The following TXNRD2 variants were observed in gnomAD, a reference collection of about 807,000 sequenced individuals.
TXNRD2 encodes the protein thioredoxin reductase 2, also known as thioredoxin reductase 2, mitochondrial.
A neutral mutation model predicts 70.8 loss-of-function variants in TXNRD2; 67 were observed. The ratio of observed to expected loss-of-function variants is 0.95; its 90% CI spans 0.78 to 1.16. The LOEUF (loss-of-function observed/expected upper bound fraction) is 1.16, where lower values mean the gene tolerates loss of function less well. Among genes scored for constraint, TXNRD2 ranks in the 50% most tolerant of loss-of-function variants. The pLI is 0.00. For missense variants in TXNRD2, 644 were observed against 719.9 expected (o/e 0.89, Z 1.21); for synonymous variants, 301 against 295.8 (o/e 1.02, Z -0.18).
chr22:19,927,540 G>A (rs1315359703), intron 2 of TXNRD2, among the ~76,000 whole-genome samples: 1 of 151,214 alleles, frequency 6.6e-6, no homozygotes, highest in Non-Finnish European at 1.5e-5. Flanking sequence ...TGTGGTCCCA[G>A]CCACTCGGGA....
At chr22:19,888,413 G>A (rs112311632) in intron 11 of TXNRD2, among the ~76,000 whole-genome samples, 34 of 152,240 alleles carry the variant, frequency 2.2e-4, no homozygotes, top group Non-Finnish European at 4.1e-4. Flanking sequence ...ACAGGGACAC[G>A]GGGACGGCCA....
intron 11 of TXNRD2, chr22:19,893,994 G>A (rs1939380230): frequency 1.3e-5 from 2 of 152,230 alleles, no homozygotes; most frequent in Non-Finnish European, 2.9e-5. Flanking sequence ...ATCCACAACA[G>A]CCAAAAGACG....
chr22:19,915,622 G>T, intron 6 of TXNRD2, 143 bp downstream of exon 6: 1 of 773,308 alleles, frequency 1.3e-6, no homozygotes. Flanking sequence ...AAAGACAAGT[G>T]CCCAGCCTCA....
At chr22:19,906,370 CT>C (rs1468179592) in intron 8 of TXNRD2, among the ~76,000 whole-genome samples, 1 of 152,148 alleles carries the variant, frequency 6.6e-6, no homozygotes, top group Non-Finnish European at 1.5e-5. Context: ...TAGCTCACAC[CT>C]GTAATCCCAG....
intron 2 of TXNRD2, among the ~76,000 whole-genome samples, chr22:19,923,524 C>T (rs1372158536): frequency 1.3e-5 from 2 of 152,290 alleles, no homozygotes; most frequent in Admixed American, 6.5e-5. Context: ...TGGTAACTGA[C>T]GCCTGTAATC....
In TXNRD2 at chr22:19,939,178, G is replaced by A. The variant is rs78340139; in HGVS notation, c.103+2523C>T. 2.4e-3 allele frequency among the ~76,000 whole-genome samples: 348 copies of A among 145,174 alleles called. 4 individuals are homozygous for A. The highest frequency in any genetic ancestry group is 1.3e-3 in the Non-Finnish European group (83 of 66,196). ...AAAACCACGAGGAAGAGACGTTCGC[G>A]TCAGAGACTGCCCTCATACCTGATG... On this transcript the variant is annotated intron_variant, in intron 1 of 17. Transcript: ENST00000400521.
intron 8 of TXNRD2, 51 bp from the exon 9 acceptor site, chr22:19,899,119 C>A: frequency 1.9e-6 from 3 of 1,605,106 alleles, no homozygotes; most frequent in South Asian, 1.1e-5. Context: ...CCCTTATTGA[C>A]CAAGTGCAGT....
intron 11 of TXNRD2, among the ~76,000 whole-genome samples, chr22:19,886,830 G>C (rs560676895): frequency 1.3e-5 from 2 of 152,186 alleles, no homozygotes; most frequent in Admixed American, 1.3e-4. Context: ...GCCCCTCCTG[G>C]GGTAGGACAG....
chr22:19,922,889 A>G (rs1940970037), intron 2 of TXNRD2, among the ~76,000 whole-genome samples: 1 of 151,538 alleles, frequency 6.6e-6, no homozygotes, highest in Non-Finnish European at 1.5e-5. Flanking sequence ...GGGTTTCACC[A>G]TGTTGGTCAG....
chr22:19,889,138 G>C lies in TXNRD2; in HGVS notation c.950-5677C>G, dbSNP rs11089316. ...GTCTCATACCCAGGGCGGCTCCTTG[G>C]GGGGTGGGGGTGAGCTTCCCCTCAG... On this transcript the variant is annotated intron_variant, in intron 11 of 17. Transcript: ENST00000400521. Among the ~76,000 whole-genome samples, 9 of 152,246 alleles carry C rather than the reference G, an allele frequency of 5.9e-5. No individual in the cohort carries two copies. In the South Asian group the frequency reaches 1.0e-3, roughly 18 times the overall value.
chr22:19,932,186 A>C (rs1405620764), intron 1 of TXNRD2, among the ~76,000 whole-genome samples: 1 of 151,506 alleles, frequency 6.6e-6, no homozygotes, highest in Non-Finnish European at 1.5e-5. Flanking sequence ...AAAAAGAATA[A>C]AAGCACAAGC....
intron 11 of TXNRD2, among the ~76,000 whole-genome samples, chr22:19,889,398 G>A (rs563770861): frequency 2.6e-5 from 4 of 152,230 alleles, no homozygotes; most frequent in African/African-American, 7.2e-5. Flanking sequence ...GGATCATGAC[G>A]TCAGGAGTTC....
intron 2 of TXNRD2, among the ~76,000 whole-genome samples, chr22:19,920,873 T>G (rs531515698): frequency 2.0e-5 from 3 of 152,226 alleles, no homozygotes; most frequent in East Asian, 1.9e-4. Context: ...GAGGCCAAGG[T>G]GGGCAGATCA....
At chr22:19,933,641 G>T in intron 1 of TXNRD2, 1 of 503,850 alleles carries the variant, frequency 2.0e-6, no homozygotes, top group Non-Finnish European at 3.1e-6. Flanking sequence ...GCATAGGGCA[G>T]TCGTTTGCAA....
intron 8 of TXNRD2, among the ~76,000 whole-genome samples, chr22:19,903,898 A>G (rs1939890407): frequency 6.6e-6 from 1 of 152,172 alleles, no homozygotes; most frequent in African/African-American, 2.4e-5. Flanking sequence ...TGCAGTGGCC[A>G]TTGTTCCCAG....
At chr22:19,915,461 G>A (rs562909206) in intron 6 of TXNRD2, among the ~76,000 whole-genome samples, 185 bp from the exon 7 acceptor site, 1 of 152,248 alleles carries the variant, frequency 6.6e-6, no homozygotes, top group East Asian at 1.9e-4. Flanking sequence ...CTGGCAGGAG[G>A]GGGACAGGCA....
intron 11 of TXNRD2, among the ~76,000 whole-genome samples, chr22:19,893,694 GT>G (rs1939365704): frequency 6.6e-6 from 1 of 152,248 alleles, no homozygotes. Context: ...GAGCAAGAAG[GT>G]GAGACCAGAC....
intron 8 of TXNRD2, chr22:19,911,034 C>T: frequency 2.8e-6 from 1 of 359,386 alleles, no homozygotes; most frequent in Non-Finnish European, 5.4e-6. Context: ...AAGATTGGGC[C>T]ATTGCAATTC....
intron 8 of TXNRD2, among the ~76,000 whole-genome samples, chr22:19,903,229 T>C (rs1459553881): frequency 6.6e-6 from 1 of 152,200 alleles, no homozygotes; most frequent in East Asian, 1.9e-4. Context: ...GGGCAGGGGC[T>C]ACAGAGCTGG....
Sources: allele counts gnomAD v4.1 joint callset (sites outside exome capture counted in the v4.1 genomes callset), GRCh38; gene constraint gnomAD v4.1.1; transcripts MANE v1.5; gene names NCBI Gene and HGNC (gene_info 2026-07-23, HGNC 2026-07-21).